The following TRPC4 variants were observed in gnomAD, a reference collection of about 807,000 sequenced individuals.
The protein encoded by TRPC4 is transient receptor potential cation channel subfamily C member 4.
Under a neutral mutation model 99.4 loss-of-function variants are expected in TRPC4, and 49 were observed. The ratio of observed to expected loss-of-function variants is 0.49; its 90% CI spans 0.39 to 0.63. TRPC4 has a LOEUF of 0.63. Among genes scored for constraint, TRPC4 ranks in the 20% least tolerant of loss-of-function variants. TRPC4 has a pLI of 0.00. For missense variants in TRPC4, 898 were observed against 1,152.9 expected, an observed-to-expected ratio of 0.78 and a Z score of 3.20; for synonymous variants, 454 against 425.9, an observed-to-expected ratio of 1.07 and a Z score of -0.81.
intron 1 of TRPC4, among the ~76,000 whole-genome samples, chr13:37,863,177 C>T (rs771142286): frequency 4.0e-5 from 6 of 151,436 alleles, no homozygotes; most frequent in South Asian, 2.1e-4. Context: ...TTTCTCAGGA[C>T]GTATTTGATG....
intron 7 of TRPC4, 127 bp from the exon 8 acceptor site, chr13:37,651,586 AC>A: frequency 1.3e-6 from 1 of 793,630 alleles, no homozygotes; most frequent in Non-Finnish European, 2.0e-6. Context: ...TTCTAAAACC[AC>A]CACTGACTCC....
intron 1 of TRPC4, among the ~76,000 whole-genome samples, chr13:37,825,659 C>G (rs1958182351): frequency 7.1e-6 from 1 of 141,446 alleles, no homozygotes; most frequent in Non-Finnish European, 1.5e-5. Flanking sequence ...AATTTCTGTT[C>G]TTTTACATTT....
intron 1 of TRPC4, among the ~76,000 whole-genome samples, chr13:37,861,163 T>G (rs1374373701): frequency 6.6e-6 from 1 of 151,576 alleles, no homozygotes; most frequent in Middle Eastern, 3.2e-3. Context: ...TTAGGTTATA[T>G]GCTTCAGATA....
chr13:37,752,380 T>C (rs1955959357), intron 2 of TRPC4, among the ~76,000 whole-genome samples: 1 of 151,842 alleles, frequency 6.6e-6, no homozygotes, highest in Non-Finnish European at 1.5e-5. Flanking sequence ...GACACATCGA[T>C]TTATTCTGCA....
At chr13:37,732,135 C>A (rs564925530) in intron 3 of TRPC4, among the ~76,000 whole-genome samples, 2 of 152,170 alleles carry the variant, frequency 1.3e-5, no homozygotes, top group South Asian at 4.1e-4. Context: ...ATAAAGATTT[C>A]AGTTCTTGGA....
intron 2 of TRPC4, among the ~76,000 whole-genome samples, chr13:37,763,372 GGTTCT>G (rs1956275651): frequency 1.3e-5 from 2 of 151,496 alleles, no homozygotes; most frequent in African/African-American, 4.8e-5. Context: ...TCCCCTGATT[GGTTCT>G]ATTTTCTTAG....
chr13:37,655,883 C>A (rs184786472), intron 6 of TRPC4, among the ~76,000 whole-genome samples: 1 of 152,118 alleles, frequency 6.6e-6, no homozygotes, highest in African/African-American at 2.4e-5. Context: ...ATGATAGATC[C>A]CAAATTTTAG....
chr13:37,673,688 G>A (rs1223024887), intron 5 of TRPC4, among the ~76,000 whole-genome samples: 1 of 152,126 alleles, frequency 6.6e-6, no homozygotes, highest in African/African-American at 2.4e-5. Context: ...TACAAAATCT[G>A]GGGGAGTAAT....
At chr13:37,674,484 A>C in intron 4 of TRPC4, 117 bp from the exon 5 acceptor site, 1 of 1,082,396 alleles carries the variant, frequency 9.2e-7, no homozygotes, top group Non-Finnish European at 1.3e-6. Context: ...GTTACACTAA[A>C]TGCAACATCT....
chr13:37,771,553 G>A (rs1435362446), intron 2 of TRPC4, among the ~76,000 whole-genome samples: 1 of 125,410 alleles, frequency 8.0e-6, no homozygotes, highest in African/African-American at 3.9e-5. Flanking sequence ...GGTATAGTGT[G>A]CATGAGTGTG....
Position 37,692,214 on chromosome 13 carries a change from A to G in TRPC4, c.1019T>C (p.Phe340Ser). The G allele has an allele frequency of 6.2e-7, 1 of 1,614,190 alleles. No individual in the cohort carries two copies. Among genetic ancestry groups the G allele is most frequent in the Non-Finnish European group, 8.5e-7 (1 of 1,180,030 alleles). Reference protein sequence around the residue: ...MVTCFIIGLLFPVFSVCYLIA... With the variant: ...MVTCFIIGLLSPVFSVCYLIA... ...CAGGTAGCACACAGAGAAGACAGGAAAAAGAAGTCCTATTATGAAACATGT... is the reference window on the plus strand; with the variant it reads ...CAGGTAGCACACAGAGAAGACAGGAGAAAGAAGTCCTATTATGAAACATGT... Residue 340 changes from phenylalanine to serine, a missense_variant, in exon 4 of 11, where the codon TTT (phenylalanine) becomes TCT (serine). Coordinates refer to ENST00000379705, the MANE Select transcript of TRPC4 (RefSeq NM_016179.4).
chr13:37,801,178 A>G (rs570064450), intron 1 of TRPC4, among the ~76,000 whole-genome samples: 1 of 152,306 alleles, frequency 6.6e-6, no homozygotes, highest in African/African-American at 2.4e-5. Flanking sequence ...GGAATGTAAC[A>G]TAAAAGTTTT....
chr13:37,755,001 C>T (rs1406146312), intron 2 of TRPC4, among the ~76,000 whole-genome samples: 2 of 151,830 alleles, frequency 1.3e-5, no homozygotes, highest in Non-Finnish European at 2.9e-5. Flanking sequence ...GTGTTTTTTG[C>T]CGTTAAAAGT....
chr13:37,839,374 G>A (rs1421517369), intron 1 of TRPC4, among the ~76,000 whole-genome samples: 6 of 152,088 alleles, frequency 3.9e-5, no homozygotes, highest in South Asian at 2.1e-4. Flanking sequence ...AGATACCATC[G>A]TCAGAGTCAA....
chr13:37,763,340 T>C (rs1956274763), intron 2 of TRPC4, among the ~76,000 whole-genome samples: 1 of 151,486 alleles, frequency 6.6e-6, no homozygotes, highest in Non-Finnish European at 1.5e-5. Flanking sequence ...GTAGCTATGG[T>C]GGTGGAAGCA....
chr13:37,674,479 A>C (rs889156841), intron 4 of TRPC4, 112 bp from the exon 5 acceptor site: 2 of 1,110,894 alleles, frequency 1.8e-6, no homozygotes, highest in East Asian at 2.7e-5. Flanking sequence ...ACATTGTTAC[A>C]CTAAATGCAA....
chr13:37,696,588 G>A (rs1210764049), intron 3 of TRPC4, among the ~76,000 whole-genome samples: 8 of 152,208 alleles, frequency 5.3e-5, no homozygotes, highest in African/African-American at 1.4e-4. Flanking sequence ...TCTTGACTGC[G>A]TCAGAGAGTC....
At chr13:37,680,055 A>T (rs2138803320) in intron 4 of TRPC4, among the ~76,000 whole-genome samples, 1 of 152,330 alleles carries the variant, frequency 6.6e-6, no homozygotes, top group Non-Finnish European at 1.5e-5. Context: ...CCAGTTAATG[A>T]AGAAAGCACG....
chr13:37,783,424 A>G, intron 1 of TRPC4, 64 bp from the exon 2 acceptor site: 1 of 1,287,772 alleles, frequency 7.8e-7, no homozygotes, highest in Non-Finnish European at 1.0e-6. Flanking sequence ...GTTAAGCATC[A>G]TACTTCTCCA....
Sources: allele counts gnomAD v4.1 joint callset (sites outside exome capture counted in the v4.1 genomes callset), GRCh38; gene constraint gnomAD v4.1.1; transcripts MANE v1.5; gene names NCBI Gene and HGNC (gene_info 2026-07-23, HGNC 2026-07-21).